The following SNX4 variants were observed in gnomAD, a reference collection of about 807,000 sequenced individuals.
SNX4 encodes sorting nexin-4.
A neutral mutation model predicts 70.8 loss-of-function variants in SNX4; 49 were observed. That is an observed-to-expected ratio of 0.69 (90% CI 0.55 to 0.88). The LOEUF (loss-of-function observed/expected upper bound fraction) is 0.88, where lower values mean the gene tolerates loss of function less well. Ranked by LOEUF, SNX4 falls within the 40% of genes least tolerant of loss-of-function variation. SNX4 has a pLI of 0.00. For missense variants in SNX4, 528 were observed against 544.8 expected (o/e 0.97, Z 0.31); for synonymous variants, 206 against 183.8 (o/e 1.12, Z -0.98).
chr3:125,460,899 T>C, intron 9 of SNX4, 39 bp from the exon 10 acceptor site: 1 of 1,010,296 alleles, frequency 9.9e-7, no homozygotes, highest in Non-Finnish European at 1.5e-6. Flanking sequence ...ATAGAGTTAC[T>C]TTCATTGGAA....
chr3:125,490,524 C>CAAA lies in SNX4; in HGVS notation c.598-1064_598-1062dup, dbSNP rs1173858739. Among the ~76,000 whole-genome samples the CAAA allele has an allele frequency of 1.4e-3, 68 of 48,754 alleles. 1 individual carries two copies. The highest frequency in any genetic ancestry group is 4.1e-3 in the African/African-American group (55 of 13,492). The allele number at this position is 48,754 out of a possible 152,430, so 32.0% of individuals were successfully genotyped here. On this transcript the variant is annotated intron_variant, in intron 5 of 13. Coordinates refer to ENST00000251775, the MANE Select transcript of SNX4 (RefSeq NM_003794.4). ...GGGCGACAGAGTGAGACTCTGTCTC[C>CAAA]AAAAAAAAAAAAAAAAAAAAAGAAA...
intron 6 of SNX4, among the ~76,000 whole-genome samples, chr3:125,485,192 G>A (rs1199104943): frequency 1.3e-5 from 2 of 152,316 alleles, no homozygotes; most frequent in East Asian, 3.9e-4. Flanking sequence ...GCTGCAGTGA[G>A]CTGAGATCAC....
At chr3:125,504,493 T>C in intron 2 of SNX4, 130 bp downstream of exon 2, 2 of 891,436 alleles carry the variant, frequency 2.2e-6, no homozygotes, top group South Asian at 1.8e-5. Context: ...CAAAAAAAAG[T>C]AAAGAAACAA....
intron 8 of SNX4, among the ~76,000 whole-genome samples, chr3:125,473,563 C>T (rs1249386796): frequency 2.6e-5 from 4 of 152,064 alleles, no homozygotes; most frequent in South Asian, 2.1e-4. Flanking sequence ...TACAGGCACA[C>T]GCCATCATGC....
At chr3:125,519,998 A>G (rs756743627) in intron 1 of SNX4, 34 bp downstream of exon 1, 4 of 1,250,102 alleles carry the variant, frequency 3.2e-6, no homozygotes, top group South Asian at 1.3e-5. Context: ...GCCACCACAC[A>G]GGCCATGAGG....
intron 6 of SNX4, among the ~76,000 whole-genome samples, chr3:125,484,070 ACTAT>A (rs1171389926): frequency 6.6e-6 from 1 of 152,168 alleles, no homozygotes; most frequent in Non-Finnish European, 1.5e-5. Flanking sequence ...CTCCTGAAAT[ACTAT>A]CTATCTAAAA....
intron 1 of SNX4, among the ~76,000 whole-genome samples, chr3:125,507,540 C>T (rs1355163386): frequency 6.6e-6 from 1 of 152,060 alleles, no homozygotes; most frequent in Non-Finnish European, 1.5e-5. Flanking sequence ...TATAAACATC[C>T]AAGAAGCTTG....
rs1217793221 is a variant in SNX4, at chr3:125,446,805, A to G, written c.*974T>C. On this transcript the variant is annotated 3_prime_UTR_variant, in exon 14 of 14. Coordinates refer to ENST00000251775, the MANE Select transcript of SNX4 (RefSeq NM_003794.4). ...ACGAGTACACATTTTAAGATTCTGC[A>G]AAGCTAGCAAAATGAAGATGCTTGC... is the stretch of plus-strand genomic sequence containing the variant. 1 of 152,644 alleles carries G rather than the reference A, an allele frequency of 6.6e-6. No individual in the cohort carries two copies. Among genetic ancestry groups the G allele is most frequent in the African/African-American group, 2.4e-5 (1 of 41,460 alleles). 9.5% of individuals were successfully genotyped at this position (152,644 alleles called of 1,614,324 possible).
At chr3:125,477,703 G>A (rs541326900) in intron 7 of SNX4, among the ~76,000 whole-genome samples, 1 of 152,270 alleles carries the variant, frequency 6.6e-6, no homozygotes, top group South Asian at 2.1e-4. Context: ...TCAAGTAGGT[G>A]TATGAGGATC....
intron 12 of SNX4, among the ~76,000 whole-genome samples, chr3:125,451,905 C>T (rs895406052): frequency 6.6e-6 from 1 of 152,056 alleles, no homozygotes; most frequent in Non-Finnish European, 1.5e-5. Flanking sequence ...GGGATTACAG[C>T]GTGAGCCGCT....
At chr3:125,489,113 A>G (rs1435135535) in intron 6 of SNX4, among the ~76,000 whole-genome samples, 1 of 152,238 alleles carries the variant, frequency 6.6e-6, no homozygotes, top group East Asian at 1.9e-4. Context: ...GCAAAATCAT[A>G]TAAGGAAAAC....
rs778159118 is a variant in SNX4, at chr3:125,520,124, A to C, written c.49T>G (p.Leu17Val). ...GCGTCTGGGGAGCCCAGCGGCTCCAAGGGCGCCGGCTGGAGCTGCCGCTCG... is the reference window on the plus strand; with the variant it reads ...GCGTCTGGGGAGCCCAGCGGCTCCACGGGCGCCGGCTGGAGCTGCCGCTCG... ...DPERQLQPAP[L>V]EPLGSPDAGL... The change falls in exon 1 of 14, where the codon TTG becomes GTG. Residue 17 changes from leucine to valine, a missense_variant. Physicochemically the swap from Leu to Val is conservative, Grantham distance 32 (BLOSUM62 1). Transcript: ENST00000251775. 3.5e-6 allele frequency: 5 copies of C among 1,441,544 alleles called. No homozygotes were observed. Among genetic ancestry groups the C allele is most frequent in the African/African-American group, 1.5e-5 (1 of 65,668 alleles). 89.3% of individuals were successfully genotyped at this position (1,441,544 alleles called of 1,614,324 possible).
intron 1 of SNX4, among the ~76,000 whole-genome samples, chr3:125,518,684 T>C (rs887457275): frequency 2.6e-5 from 4 of 151,898 alleles, no homozygotes; most frequent in Admixed American, 2.0e-4. Context: ...CTGGGTAACA[T>C]GGTGAAAACC....
intron 2 of SNX4, among the ~76,000 whole-genome samples, chr3:125,500,027 T>C (rs1230157867): frequency 6.0e-5 from 9 of 151,018 alleles, no homozygotes; most frequent in Admixed American, 4.0e-4. Flanking sequence ...GCCAACGCAC[T>C]CCAGCCTGGG....
chr3:125,519,476 T>C (rs1935350725), intron 1 of SNX4, among the ~76,000 whole-genome samples: 1 of 152,160 alleles, frequency 6.6e-6, no homozygotes, highest in Non-Finnish European at 1.5e-5. Context: ...TTCTTGAAGC[T>C]GACATTTTCT....
chr3:125,457,117 A>C (rs1465169528), intron 11 of SNX4, 149 bp downstream of exon 11: 5 of 610,950 alleles, frequency 8.2e-6, no homozygotes, highest in Non-Finnish European at 1.2e-5. Context: ...AGTTACTCAC[A>C]AATTATTCCC....
intron 2 of SNX4, among the ~76,000 whole-genome samples, chr3:125,500,799 C>CAAAAAAAAAAAAAAAAAAAAAAA (rs770336677): frequency 1.4e-4 from 4 of 29,316 alleles, no homozygotes; most frequent in Non-Finnish European, 1.8e-4. Context: ...GACTCCGTCT[C>CAAAAAAAAAAAAAAAAAAAAAAA]AAAAAAAAAA....
At chr3:125,514,332 C>CA in intron 1 of SNX4, among the ~76,000 whole-genome samples, 2 of 151,080 alleles carry the variant, frequency 1.3e-5, no homozygotes, top group Middle Eastern at 3.4e-3. Context: ...AACAGTGTTC[C>CA]AAACTGAGTA....
chr3:125,519,308 C>T (rs1332807603), intron 1 of SNX4, among the ~76,000 whole-genome samples: 1 of 152,090 alleles, frequency 6.6e-6, no homozygotes, highest in Non-Finnish European at 1.5e-5. Context: ...CATTTTTCCC[C>T]TTTTCCTCAA....
Sources: allele counts gnomAD v4.1 joint callset (sites outside exome capture counted in the v4.1 genomes callset), GRCh38; gene constraint gnomAD v4.1.1; transcripts MANE v1.5; gene names NCBI Gene and HGNC (gene_info 2026-07-23, HGNC 2026-07-21).